Variants in DCLK2 observed in about 807,000 individuals in gnomAD.
The protein encoded by DCLK2 is doublecortin like kinase 2, also known as serine/threonine-protein kinase DCLK2.
Under a neutral mutation model 78.4 loss-of-function variants are expected in DCLK2, and 31 were observed. That is an observed-to-expected ratio of 0.40 (90% CI 0.30 to 0.53). The LOEUF (loss-of-function observed/expected upper bound fraction) is 0.53. DCLK2 is among the 20% of genes least tolerant of loss of function. The pLI, the probability that DCLK2 is intolerant of heterozygous loss-of-function variation, is 0.61. For synonymous variants in DCLK2, 407 were observed against 374.9 expected, an observed-to-expected ratio of 1.09 and a Z score of -0.99; for missense variants, 872 against 973.7, an observed-to-expected ratio of 0.90 and a Z score of 1.39.
At chr4:150,201,997 C>A (rs535779369) in intron 4 of DCLK2, among the ~76,000 whole-genome samples, 4 of 152,238 alleles carry the variant, frequency 2.6e-5, no homozygotes, top group Admixed American at 2.0e-4. Context: ...TGCAGACTTG[C>A]GTTGACTTCT....
At chr4:150,220,500 T>C (rs780480967) in intron 5 of DCLK2, among the ~76,000 whole-genome samples, 4 of 152,224 alleles carry the variant, frequency 2.6e-5, no homozygotes, top group Non-Finnish European at 4.4e-5. Flanking sequence ...ATTTTTCTTA[T>C]GTCTAATCTG....
intron 8 of DCLK2, among the ~76,000 whole-genome samples, chr4:150,227,685 G>A (rs1263911305): frequency 1.3e-5 from 2 of 152,182 alleles, no homozygotes; most frequent in African/African-American, 4.8e-5. Context: ...AATTCTTCCA[G>A]TTCTAATATT....
chr4:150,086,835 C>T (rs62339907), intron 1 of DCLK2, among the ~76,000 whole-genome samples: 5,727 of 152,162 alleles, frequency 0.038, 152 homozygotes, highest in Non-Finnish European at 0.063. Context: ...ATTTATTTCT[C>T]GTTATGTGTT....
At chr4:150,242,284 G>C (rs1196408310) in intron 12 of DCLK2, among the ~76,000 whole-genome samples, 1 of 152,178 alleles carries the variant, frequency 6.6e-6, no homozygotes, top group Non-Finnish European at 1.5e-5. Context: ...AAATCACAAG[G>C]ATGTAGCATT....
intron 8 of DCLK2, among the ~76,000 whole-genome samples, chr4:150,226,249 C>G (rs987272190): frequency 6.9e-6 from 1 of 145,832 alleles, no homozygotes; most frequent in Non-Finnish European, 1.5e-5. Flanking sequence ...TTTAACCACA[C>G]TGTGATAATT....
At chr4:150,182,771 G>A (rs891244464) in intron 2 of DCLK2, among the ~76,000 whole-genome samples, 2 of 152,120 alleles carry the variant, frequency 1.3e-5, no homozygotes, top group Non-Finnish European at 2.9e-5. Context: ...TTTATTAAAA[G>A]CCTATAGAGT....
rs140221411 is a variant in DCLK2, at chr4:150,211,313, AAG to A, written c.1056+7445_1056+7446del. On this transcript the variant is annotated intron_variant, in intron 5 of 15. Transcript: ENST00000296550. ...GTGGCTTTCCCCAGAACCAAGTGAT[AAG>A]AGAGAGAGAGAGAGAGAGAGTGCCA... Among the ~76,000 whole-genome samples the A allele has an allele frequency of 4.1e-3, 601 of 147,224 alleles. 1 individual carries two copies. Among genetic ancestry groups the A allele is most frequent in the African/African-American group, 0.011 (420 of 39,900 alleles).
intron 7 of DCLK2, among the ~76,000 whole-genome samples, chr4:150,224,147 C>T (rs1741415490): frequency 6.6e-6 from 1 of 152,028 alleles, no homozygotes. Context: ...ATTTAATTAA[C>T]ATACAGTATG....
intron 1 of DCLK2, among the ~76,000 whole-genome samples, chr4:150,080,082 G>A (rs1034521160): frequency 1.3e-5 from 2 of 151,622 alleles, no homozygotes; most frequent in African/African-American, 4.9e-5. Context: ...TGGGTTTGGG[G>A]TGTGGGTTAG....
At chr4:150,199,018 A>G (rs1295123686) in intron 4 of DCLK2, 2 of 1,582,026 alleles carry the variant, frequency 1.3e-6, no homozygotes, top group South Asian at 1.1e-5. Context: ...TGTATACTGC[A>G]TGTGTACAGT....
In DCLK2 at chr4:150,142,006, A is replaced by G. The variant is rs549351237; in HGVS notation, c.756+39194A>G. On this transcript the variant is annotated intron_variant, in intron 2 of 15. Transcript: ENST00000296550. ...ATCTCTTTCAGGAAAAATTTCTGTAACAATGAAATCATACTATATTAAATT... is the reference window on the plus strand; with the variant it reads ...ATCTCTTTCAGGAAAAATTTCTGTAGCAATGAAATCATACTATATTAAATT... Among the ~76,000 whole-genome samples the G allele has an allele frequency of 1.0e-3, 158 of 152,342 alleles. 2 individuals carry two copies. Among genetic ancestry groups the G allele is most frequent in the South Asian group, 2.7e-3 (13 of 4,832 alleles).
chr4:150,145,338 T>C (rs942402110), intron 2 of DCLK2, among the ~76,000 whole-genome samples: 1 of 152,184 alleles, frequency 6.6e-6, no homozygotes, highest in Admixed American at 6.5e-5. Flanking sequence ...GGAGTTGCAG[T>C]GTTGGGATCT....
chr4:150,226,977 A>G (rs529670013), intron 8 of DCLK2, among the ~76,000 whole-genome samples: 4 of 152,352 alleles, frequency 2.6e-5, no homozygotes, highest in East Asian at 1.9e-4. Flanking sequence ...AATATCTGCT[A>G]TTTGTTAAAA....
chr4:150,119,052 TA>T (rs1732329845), intron 2 of DCLK2, among the ~76,000 whole-genome samples: 1 of 150,642 alleles, frequency 6.6e-6, no homozygotes, highest in Non-Finnish European at 1.5e-5. Flanking sequence ...AATATAATAA[TA>T]ATAATAATAA....
At chr4:150,163,392 C>T (rs964392614) in intron 2 of DCLK2, among the ~76,000 whole-genome samples, 5 of 148,108 alleles carry the variant, frequency 3.4e-5, no homozygotes, top group Middle Eastern at 3.4e-3. Flanking sequence ...AGTGAGACTC[C>T]GTCTCAAAAT....
In DCLK2 at chr4:150,078,996, G is replaced by A. The variant is rs370023271; in HGVS notation, c.-32G>A. ...CTCGCACCCTTAGTCGGCCCGGAACGTCTTTTTGCGGACGCCCTCGGAGCA... is the reference window on the plus strand; with the variant it reads ...CTCGCACCCTTAGTCGGCCCGGAACATCTTTTTGCGGACGCCCTCGGAGCA... On this transcript the variant is annotated 5_prime_UTR_variant, in exon 1 of 16. Coordinates refer to ENST00000296550, the MANE Select transcript of DCLK2 (RefSeq NM_001040260.4). 5 of 1,508,178 alleles carry A rather than the reference G, an allele frequency of 3.3e-6. No homozygotes were observed. The highest frequency in any genetic ancestry group is 4.4e-6 in the Non-Finnish European group (5 of 1,131,982). The allele number at this position is 1,508,178 out of a possible 1,614,324, so 93.4% of individuals were successfully genotyped here. A position where few individuals can be genotyped will look rare whatever the true frequency, so the allele number is the denominator to read the frequency against.
chr4:150,233,994 T>C (rs1742279441), intron 10 of DCLK2, among the ~76,000 whole-genome samples: 1 of 152,046 alleles, frequency 6.6e-6, no homozygotes, highest in Non-Finnish European at 1.5e-5. Flanking sequence ...CTTTCAGGGC[T>C]CTCATCCTCA....
At chr4:150,241,578 A>G (rs1742928880) in intron 12 of DCLK2, among the ~76,000 whole-genome samples, 1 of 152,238 alleles carries the variant, frequency 6.6e-6, no homozygotes, top group South Asian at 2.1e-4. Context: ...AGTGCTAGGA[A>G]TAAAGTGGTG....
chr4:150,194,868 G>A (rs2126387562), intron 3 of DCLK2, among the ~76,000 whole-genome samples: 1 of 151,862 alleles, frequency 6.6e-6, no homozygotes, highest in African/African-American at 2.4e-5. Context: ...ACATTCTGTG[G>A]TACCAAACTT....
Sources: allele counts gnomAD v4.1 joint callset (sites outside exome capture counted in the v4.1 genomes callset), GRCh38; gene constraint gnomAD v4.1.1; transcripts MANE v1.5; gene names NCBI Gene and HGNC (gene_info 2026-07-23, HGNC 2026-07-21).